Variants in USP45 observed in about 807,000 individuals in gnomAD.
USP45 encodes the protein ubiquitin carboxyl-terminal hydrolase 45.
Under a neutral mutation model 95.8 loss-of-function variants are expected in USP45, and 89 were observed. That is an observed-to-expected ratio of 0.93 (90% confidence interval 0.78 to 1.11). The LOEUF (loss-of-function observed/expected upper bound fraction) is 1.11, where lower values mean the gene tolerates loss of function less well. Among genes scored for constraint, USP45 ranks in the 50% least tolerant of loss-of-function variants. USP45 has a pLI of 0.00. For synonymous variants in USP45, 281 were observed against 316.2 expected (o/e 0.89, Z 1.18); for missense variants, 898 against 942.5 (o/e 0.95, Z 0.62).
chr6:99,482,655 G>A lies in USP45; in HGVS notation c.845+98C>T, dbSNP rs1792699880. The A allele has an allele frequency of 1.4e-5, 17 of 1,244,856 alleles. No individual in the cohort carries two copies. In the Admixed American group the frequency reaches 1.5e-4, roughly 11 times the overall value. The allele number at this position is 1,244,856 out of a possible 1,614,324, so 77.1% of individuals were successfully genotyped here. On this transcript the variant is annotated intron_variant, in intron 8 of 17. Coordinates refer to ENST00000500704, the MANE Select transcript of USP45 (RefSeq NM_001346022.3). ...GTTCTCTTCATAGTCAGGGCAATAA[G>A]AGCAAAGTTACAGTAAAAACGACTA...
At chr6:99,516,146 G>GT (rs1243415439), upstream of USP45, among the ~76,000 whole-genome samples, 11 of 151,960 alleles carry the variant, frequency 7.2e-5, no homozygotes, top group Non-Finnish European at 8.8e-5. Flanking sequence ...TATTATTGTG[G>GT]TTTTTCCCCC....
At chr6:99,461,887 T>C in intron 13 of USP45, 1 of 984,752 alleles carries the variant, frequency 1.0e-6, no homozygotes, top group Non-Finnish European at 1.2e-6. Context: ...TTGATCTTTA[T>C]AAAACTAGTA....
At chr6:99,493,645 C>T (rs1268935589) in intron 5 of USP45, among the ~76,000 whole-genome samples, 1 of 151,912 alleles carries the variant, frequency 6.6e-6, no homozygotes, top group East Asian at 1.9e-4. Flanking sequence ...TTACAGGCGT[C>T]CACCACTATG....
rs759561012 is a variant in USP45 at position 99,508,794 on chromosome 6, A to T, written c.101-12T>A. 2 of 1,596,274 alleles carry T rather than the reference A, an allele frequency of 1.3e-6. No homozygotes were observed. Among genetic ancestry groups the T allele is most frequent in the Non-Finnish European group, 1.7e-6 (2 of 1,172,344 alleles). On this transcript the variant is annotated splice_polypyrimidine_tract_variant and intron_variant, in intron 2 of 17. Coordinates refer to ENST00000500704, the MANE Select transcript of USP45 (RefSeq NM_001346022.3). ...GCAAGTTAAACCTACTGAATAAGAT[A>T]AAACAAAATCTCAACATTTTCTTTG...
chr6:99,451,355 C>T (rs182382585), intron 13 of USP45, among the ~76,000 whole-genome samples: 186 of 152,218 alleles, frequency 1.2e-3, no homozygotes, highest in African/African-American at 3.9e-3. Context: ...ACAAAATCAA[C>T]GTGCAAAAAT....
At chr6:99,507,285 G>A in intron 4 of USP45, 143 bp downstream of exon 4, 1 of 460,010 alleles carries the variant, frequency 2.2e-6, no homozygotes, top group South Asian at 5.5e-5. Context: ...TAATTTTCTT[G>A]AAGTATCCCA....
Position 99,474,887 on chromosome 6 carries a change from TA to T in USP45, c.933+1255del, listed in dbSNP as rs879748361. ...CCTCCCAGAAGAAGTTGAATTTAACTAATTTAACGTTAAAGTCAATAAAGAG... is the reference window on the plus strand; with the variant it reads ...CCTCCCAGAAGAAGTTGAATTTAACTATTTAACGTTAAAGTCAATAAAGAG... On this transcript the variant is annotated intron_variant, in intron 9 of 17. Coordinates refer to ENST00000500704, the MANE Select transcript of USP45 (RefSeq NM_001346022.3). Among the ~76,000 whole-genome samples the T allele has an allele frequency of 3.3e-5, 5 of 152,324 alleles. No individual in the cohort carries two copies. The South Asian group carries it at 6.2e-4, about 19-fold the overall frequency.
chr6:99,511,838 AGTGT>A (rs1213260388), intron 1 of USP45, among the ~76,000 whole-genome samples: 2,152 of 16,070 alleles, frequency 0.13, 64 homozygotes, highest in East Asian at 0.23. Context: ...TATGTATGTG[AGTGT>A]GTGTATATAT....
chr6:99,510,300 T>C (rs912643776), intron 1 of USP45, 70 bp from the exon 2 acceptor site: 27 of 1,112,880 alleles, frequency 2.4e-5, no homozygotes, highest in East Asian at 2.6e-5. Context: ...TTTTATTTAA[T>C]GTGTATTAAA....
chr6:99,443,330 A>C (rs1781869581), intron 15 of USP45, among the ~76,000 whole-genome samples: 2 of 152,178 alleles, frequency 1.3e-5, no homozygotes, highest in African/African-American at 4.8e-5. Context: ...ACACAAACAC[A>C]CACAGAGATA....
rs1023516583 is a variant in USP45, at chr6:99,488,417, T to C, written c.619-122A>G. 8.3e-6 allele frequency: 6 copies of C among 720,030 alleles called. No homozygotes were observed. In the Admixed American group the frequency reaches 9.4e-5, roughly 11 times the overall value. The allele number at this position is 720,030 out of a possible 1,614,324, so 44.6% of individuals were successfully genotyped here. A position where few individuals can be genotyped will look rare whatever the true frequency, so the allele number is the denominator to read the frequency against. On this transcript the variant is annotated intron_variant, in intron 6 of 17. Coordinates refer to ENST00000500704, the MANE Select transcript of USP45 (RefSeq NM_001346022.3). ...GTCTATTTCAAAAAATATTAAGATT[T>C]AGTTGAGTACATTTTACATTTAGTA... is the stretch of plus-strand genomic sequence containing the variant.
intron 8 of USP45, among the ~76,000 whole-genome samples, chr6:99,481,273 T>G (rs1177267480): frequency 6.6e-6 from 1 of 152,154 alleles, no homozygotes; most frequent in Non-Finnish European, 1.5e-5. Flanking sequence ...TGCAAAAAAT[T>G]TGCATATGTC....
chr6:99,481,896 T>C (rs1373570362), intron 8 of USP45, among the ~76,000 whole-genome samples: 1 of 152,230 alleles, frequency 6.6e-6, no homozygotes, highest in Admixed American at 6.5e-5. Flanking sequence ...GAGACACTCA[T>C]GCCTCTGAGA....
At chr6:99,496,833 T>C (rs1484977950) in intron 5 of USP45, among the ~76,000 whole-genome samples, 2 of 152,148 alleles carry the variant, frequency 1.3e-5, no homozygotes, top group Non-Finnish European at 2.9e-5. Context: ...GGATTTTCCA[T>C]ATCCCCCCTA....
Position 99,434,339 on chromosome 6 carries a change from T to G in USP45, c.*1377A>C, listed in dbSNP as rs556125650. 1.6e-3 allele frequency: 248 copies of G among 152,324 alleles called. No individual in the cohort carries two copies. Among genetic ancestry groups the G allele is most frequent in the African/African-American group, 5.7e-3 (237 of 41,568 alleles). The allele number at this position is 152,324 out of a possible 1,614,324, so 9.4% of individuals were successfully genotyped here. A position where few individuals can be genotyped will look rare whatever the true frequency, so the allele number is the denominator to read the frequency against. ...TTATCTGCAGCCACTATTCTTATCC[T>G]TTCTTCCCAGGAGGAGAATGAAGTG... On this transcript the variant is annotated 3_prime_UTR_variant, in exon 18 of 18. Transcript: ENST00000500704.
intron 17 of USP45, among the ~76,000 whole-genome samples, chr6:99,436,296 A>C (rs1766679713): frequency 1.3e-5 from 2 of 152,154 alleles, no homozygotes; most frequent in African/African-American, 4.8e-5. Flanking sequence ...TCATGCCTGT[A>C]ATCTCAGCAC....
intron 14 of USP45, among the ~76,000 whole-genome samples, chr6:99,445,414 T>C (rs1582985673): frequency 6.8e-6 from 1 of 148,108 alleles, no homozygotes; most frequent in South Asian, 2.1e-4. Flanking sequence ...ACTCAGGAGG[T>C]GGAGGTTGCA....
chr6:99,489,345 A>C (rs984610278), intron 5 of USP45, among the ~76,000 whole-genome samples: 1 of 152,324 alleles, frequency 6.6e-6, no homozygotes, highest in South Asian at 2.1e-4. Flanking sequence ...GTAGTATAAT[A>C]GATTATTATT....
At position 99,510,228 on chromosome 6, in the gene USP45, T is replaced by G; in HGVS notation, c.-8A>C. ...TGGATCTTTCACCCGCATCTGTTATTTACTGAAGGGATTGAGGGAAAAAAA... is the reference window on the plus strand; with the variant it reads ...TGGATCTTTCACCCGCATCTGTTATGTACTGAAGGGATTGAGGGAAAAAAA... On this transcript the variant is annotated splice_region_variant and 5_prime_UTR_variant, in exon 2 of 18. Coordinates refer to ENST00000500704, the MANE Select transcript of USP45 (RefSeq NM_001346022.3). The G allele has an allele frequency of 6.2e-7, 1 of 1,610,452 alleles. No homozygotes were observed. Among genetic ancestry groups the G allele is most frequent in the Non-Finnish European group, 8.5e-7 (1 of 1,177,966 alleles).
Sources: gnomAD v4.1 joint callset for allele counts (sites outside exome capture counted in the v4.1 genomes callset) on GRCh38, gnomAD v4.1.1 for gene constraint, MANE v1.5 for transcripts, NCBI Gene and HGNC (gene_info 2026-07-23, HGNC 2026-07-21) for gene names.